DOCK9: variants seen among roughly 807,000 people sequenced by gnomAD.
The protein encoded by DOCK9 is dedicator of cytokinesis 9, also known as dedicator of cytokinesis protein 9.
Under a neutral mutation model 263.3 loss-of-function variants are expected in DOCK9, and 89 were observed. That is an observed-to-expected ratio of 0.34 (90% confidence interval 0.28 to 0.40). DOCK9 has a LOEUF of 0.40. Among genes scored for constraint, DOCK9 ranks in the 10% least tolerant of loss-of-function variants. The pLI, the probability that DOCK9 is intolerant of heterozygous loss-of-function variation, is 1.00. For missense variants in DOCK9, 2,140 were observed against 2,603.4 expected, an observed-to-expected ratio of 0.82 and a Z score of 3.87; for synonymous variants, 976 against 973.1, an observed-to-expected ratio of 1.00 and a Z score of -0.06.
At chr13:98,840,047 T>C (rs1252607682) in intron 38 of DOCK9, among the ~76,000 whole-genome samples, 4 of 152,170 alleles carry the variant, frequency 2.6e-5, no homozygotes, top group African/African-American at 4.8e-5. Flanking sequence ...CTAAAAATAA[T>C]TGGCAGCATA....
intron 48 of DOCK9, among the ~76,000 whole-genome samples, chr13:98,805,677 T>C (rs1016509327): frequency 1.3e-5 from 2 of 152,228 alleles, no homozygotes; most frequent in African/African-American, 4.8e-5. Context: ...TAATCAACAA[T>C]CACACTTTAC....
rs79599994 is a variant in DOCK9, at chr13:98,945,459, C to A, written c.243+9976G>T. Among the ~76,000 whole-genome samples, 393 of 152,212 alleles carry A rather than the reference C, an allele frequency of 2.6e-3. 2 individuals are homozygous for A. Among genetic ancestry groups the A allele is most frequent in the African/African-American group, 9.2e-3 (380 of 41,516 alleles). ...TGGTACTCCTCAAACTACCCCACAC[C>A]AAGTATTTTTGCTCTTTCCTCCTCT... On this transcript the variant is annotated intron_variant, in intron 2 of 52. Transcript: ENST00000682017.
intron 1 of DOCK9, among the ~76,000 whole-genome samples, chr13:99,083,803 C>A (rs9517591): frequency 0.52 from 79,301 of 151,924 alleles, 20,959 homozygotes; most frequent in South Asian, 0.68. Context: ...TGAACTATTT[C>A]ATTTTGTTGT....
intron 18 of DOCK9, among the ~76,000 whole-genome samples, chr13:98,887,838 T>C (rs2046021096): frequency 1.3e-5 from 2 of 152,082 alleles, no homozygotes; most frequent in Non-Finnish European, 2.9e-5. Context: ...ATGATCAACA[T>C]TATTCATATC....
intron 27 of DOCK9, among the ~76,000 whole-genome samples, chr13:98,876,978 A>T (rs1175660203): frequency 1.3e-5 from 2 of 152,074 alleles, no homozygotes; most frequent in South Asian, 4.2e-4. Context: ...ACTTCTAAAA[A>T]CTCTCTGAAT....
At chr13:98,804,249 A>T (rs1185615631) in intron 49 of DOCK9, among the ~76,000 whole-genome samples, 1 of 152,210 alleles carries the variant, frequency 6.6e-6, no homozygotes, top group East Asian at 1.9e-4. Flanking sequence ...TGGTCAAGAA[A>T]GCATTTTATG....
intron 2 of DOCK9, among the ~76,000 whole-genome samples, chr13:98,952,833 A>G (rs1371179733): frequency 2.6e-5 from 4 of 152,218 alleles, no homozygotes; most frequent in African/African-American, 9.6e-5. Context: ...CTATTATTTT[A>G]ATAGTTAACT....
At chr13:99,004,394 G>C (rs960134123) in intron 1 of DOCK9, among the ~76,000 whole-genome samples, 1 of 152,192 alleles carries the variant, frequency 6.6e-6, no homozygotes, top group Non-Finnish European at 1.5e-5. Context: ...TAAGTTACAA[G>C]ACTGAGTCTT....
At chr13:98,910,952 C>T (rs1218124375) in intron 9 of DOCK9, among the ~76,000 whole-genome samples, 4 of 152,010 alleles carry the variant, frequency 2.6e-5, no homozygotes, top group Admixed American at 1.3e-4. Flanking sequence ...ATCAGGTCAA[C>T]TTCTTTGCCT....
chr13:99,073,389 T>TCTCTCTCTCTC (rs1480247774), intron 1 of DOCK9, among the ~76,000 whole-genome samples: 5 of 151,626 alleles, frequency 3.3e-5, no homozygotes, highest in Admixed American at 1.3e-4. Context: ...CTCTCTCCTC[T>TCTCTCTCTCTC]CTCTCTCTCT....
At chr13:99,041,852 G>A (rs1359316969) in intron 1 of DOCK9, among the ~76,000 whole-genome samples, 5 of 152,212 alleles carry the variant, frequency 3.3e-5, no homozygotes, top group African/African-American at 1.2e-4. Flanking sequence ...CAGATGCAGC[G>A]ACTGGGGTGA....
At chr13:98,956,065 T>G (rs2058024416) in intron 1 of DOCK9, among the ~76,000 whole-genome samples, 3 of 152,200 alleles carry the variant, frequency 2.0e-5, no homozygotes, top group Non-Finnish European at 4.4e-5. Context: ...ATACTTAATA[T>G]GTAATACCTA....
At chr13:98,866,536 AC>A (rs1245095797) in intron 30 of DOCK9, among the ~76,000 whole-genome samples, 1 of 152,210 alleles carries the variant, frequency 6.6e-6, no homozygotes, top group Non-Finnish European at 1.5e-5. Flanking sequence ...CTGAGTACAT[AC>A]AAGGAATTAA....
chr13:99,061,283 C>T (rs1185473557), intron 1 of DOCK9, among the ~76,000 whole-genome samples: 2 of 152,170 alleles, frequency 1.3e-5, no homozygotes, highest in Non-Finnish European at 2.9e-5. Flanking sequence ...GACTGCTGTA[C>T]ACTTTCTCCT....
At chr13:99,010,854 T>A (rs1473226871) in intron 1 of DOCK9, among the ~76,000 whole-genome samples, 2 of 152,222 alleles carry the variant, frequency 1.3e-5, no homozygotes, top group African/African-American at 4.8e-5. Flanking sequence ...GAGCCATCCT[T>A]AGTGATGGTA....
chr13:98,916,253 C>T (rs909154526), intron 7 of DOCK9, among the ~76,000 whole-genome samples: 10 of 152,188 alleles, frequency 6.6e-5, no homozygotes, highest in East Asian at 5.8e-4. Context: ...CAATGTTTAG[C>T]GAAATTTATG....
At chr13:98,914,153 G>A (rs2050504145) in intron 9 of DOCK9, among the ~76,000 whole-genome samples, 175 bp downstream of exon 9, 1 of 152,174 alleles carries the variant, frequency 6.6e-6, no homozygotes, top group Non-Finnish European at 1.5e-5. Context: ...TTAGAAGACA[G>A]ACCTGAAATC....
intron 1 of DOCK9, among the ~76,000 whole-genome samples, chr13:99,077,226 C>CAT (rs1257402809): frequency 6.6e-6 from 1 of 152,146 alleles, no homozygotes; most frequent in Non-Finnish European, 1.5e-5. Flanking sequence ...AAGAAGGATC[C>CAT]TATCCCCTAT....
In DOCK9 at chr13:98,884,772, A is replaced by G. The variant is rs189343064; in HGVS notation, c.2382+199T>C. On this transcript the variant is annotated intron_variant, in intron 21 of 52. Coordinates refer to ENST00000682017, the MANE Select transcript of DOCK9 (RefSeq NM_001366683.2). ...CTAGTTCAGGGCTTACAAAATGCCCAAACTGTAATTCTGACATTGAGGTAA... is the reference window on the plus strand; with the variant it reads ...CTAGTTCAGGGCTTACAAAATGCCCGAACTGTAATTCTGACATTGAGGTAA... Among the ~76,000 whole-genome samples, 7 of 152,374 alleles carry G rather than the reference A, an allele frequency of 4.6e-5. No homozygotes were observed. The East Asian group carries it at 1.3e-3, about 29-fold the overall frequency.
Sources: gnomAD v4.1 joint callset for allele counts (sites outside exome capture counted in the v4.1 genomes callset) on GRCh38, gnomAD v4.1.1 for gene constraint, MANE v1.5 for transcripts, NCBI Gene and HGNC (gene_info 2026-07-23, HGNC 2026-07-21) for gene names.